NPDC1: variants seen among roughly 807,000 people sequenced by gnomAD.
The protein encoded by NPDC1 is neural proliferation differentiation and control protein 1.
A neutral mutation model predicts 32.5 loss-of-function variants in NPDC1; 18 were observed. The ratio of observed to expected loss-of-function variants is 0.55; its 90% CI spans 0.38 to 0.82. The LOEUF is 0.82. Ranked by LOEUF, NPDC1 falls within the 40% of genes least tolerant of loss-of-function variation. The pLI is 0.00. For missense variants in NPDC1, 468 were observed against 406.6 expected (o/e 1.15, Z -1.30); for synonymous variants, 210 against 184.7 (o/e 1.14, Z -1.11).
chr9:137,039,837 G>A lies in NPDC1; in HGVS notation c.913C>T (p.Leu305=). Residue 305 remains leucine, a synonymous_variant, in exon 9 of 9, where the codon CTG becomes TTG. Coordinates refer to ENST00000371601, the MANE Select transcript of NPDC1 (RefSeq NM_015392.4). Reference sequence around the variant, plus strand: ...GCGGACAGTGCGGCGTGGTCGAACAGAGGGTTGCGCACCTCCATTTCCCCG... The same window carrying A: ...GCGGACAGTGCGGCGTGGTCGAACAAAGGGTTGCGCACCTCCATTTCCCCG... ...PTGEMEVRNP[L]FDHAALSAPL... 1 of 779,390 alleles carries A rather than the reference G, an allele frequency of 1.3e-6. No individual in the cohort carries two copies. The allele number at this position is 779,390 out of a possible 1,614,324, so 48.3% of individuals were successfully genotyped here. A position where few individuals can be genotyped will look rare whatever the true frequency, so the allele number is the denominator to read the frequency against.
Position 137,041,138 on chromosome 9 carries a change from G to A in NPDC1, c.309C>T (p.Ala103=), listed in dbSNP as rs755542793. ...PRLEDEIDFL[A]QELARKESGH... ...CAGACTCCTTCCGGGCAAGCTCCTG[G>A]GCCAGGAAGTCAATCTCATCTTCCA... Residue 103 remains alanine, a synonymous_variant, in exon 3 of 9, where the codon GCC becomes GCT. Transcript: ENST00000371601. 2.7e-6 allele frequency: 4 copies of A among 1,503,144 alleles called. No homozygotes were observed. Among genetic ancestry groups the A allele is most frequent in the Non-Finnish European group, 3.5e-6 (4 of 1,127,728 alleles). The allele number at this position is 1,503,144 out of a possible 1,614,324, so 93.1% of individuals were successfully genotyped here.
rs1304040743 is a variant in NPDC1 at position 137,040,401 on chromosome 9, C to T, written c.744G>A (p.Met248Ile). The change falls in exon 7 of 9, where the codon ATG becomes ATA. Residue 248 changes from methionine (M) to isoleucine (I), a missense_variant. Physicochemically the swap from Met to Ile is conservative, Grantham distance 10. Coordinates refer to ENST00000371601, the MANE Select transcript of NPDC1 (RefSeq NM_015392.4). ...GDQRLAQSAEMYHYQHQRQQM... is the reference protein window; with the variant it reads ...GDQRLAQSAEIYHYQHQRQQM... ...GTTGCCGTTGGTGCTGGTAGTGGTA[C>T]ATCTCCGCGCTCTGTGCCAGCCGCT... The T allele has an allele frequency of 6.5e-7, 1 of 1,548,478 alleles. No individual in the cohort carries two copies. Among genetic ancestry groups the T allele is most frequent in the Non-Finnish European group, 8.7e-7 (1 of 1,147,150 alleles).
At position 137,040,403 on chromosome 9, in the gene NPDC1, T is replaced by G. The variant is rs1832027982; in HGVS notation, c.742A>C (p.Met248Leu). ...TGCCGTTGGTGCTGGTAGTGGTACATCTCCGCGCTCTGTGCCAGCCGCTGG... is the reference window on the plus strand; with the variant it reads ...TGCCGTTGGTGCTGGTAGTGGTACAGCTCCGCGCTCTGTGCCAGCCGCTGG... ...GDQRLAQSAE[M>L]YHYQHQRQQM... is the part of the protein sequence containing the mutation. The change falls in exon 7 of 9, where the codon ATG becomes CTG. Residue 248 changes from methionine to leucine, a missense_variant. Met to Leu is a conservative substitution (Grantham distance 15, BLOSUM62 2). Coordinates refer to ENST00000371601, the MANE Select transcript of NPDC1 (RefSeq NM_015392.4). 1 of 1,548,414 alleles carries G rather than the reference T, an allele frequency of 6.5e-7. No individual in the cohort carries two copies. Among genetic ancestry groups the G allele is most frequent in the South Asian group, 1.2e-5 (1 of 84,020 alleles).
chr9:137,043,384 G>A (rs773744451), intron 1 of NPDC1: 47 of 703,024 alleles, frequency 6.7e-5, no homozygotes, highest in South Asian at 2.2e-4. Flanking sequence ...GGGCAGGGCC[G>A]TGCAGCCCCA....
rs1173454908 is a variant in NPDC1, at chr9:137,043,630, A to G, written c.113-557T>C. 3 of 523,846 alleles carry G rather than the reference A, an allele frequency of 5.7e-6. No individual in the cohort carries two copies. The Admixed American group carries it at 9.7e-5, about 17-fold the overall frequency. The allele number at this position is 523,846 out of a possible 1,614,324, so 32.4% of individuals were successfully genotyped here. A position where few individuals can be genotyped will look rare whatever the true frequency, so the allele number is the denominator to read the frequency against. Reference sequence around the variant, plus strand: ...CCCCCAGGCACCGAGGACACCTAAGATGGAGTCTGCTGACCTCACTGGCCT... The same window carrying G: ...CCCCCAGGCACCGAGGACACCTAAGGTGGAGTCTGCTGACCTCACTGGCCT... On this transcript the variant is annotated intron_variant, in intron 1 of 8. Transcript: ENST00000371601.
Position 137,039,831 on chromosome 9 carries a change from C to T in NPDC1, c.919G>A (p.Asp307Asn), listed in dbSNP as rs778682336. Residue 307 changes from aspartate (D) to asparagine (N), a missense_variant, in exon 9 of 9, where the codon GAC becomes AAC. Physicochemically the swap from Asp to Asn is conservative, Grantham distance 23. Transcript: ENST00000371601. ...AGGGGCGCGGACAGTGCGGCGTGGT[C>T]GAACAGAGGGTTGCGCACCTCCATT... The part of the protein sequence containing the change: ...GEMEVRNPLF[D>N]HAALSAPLPA... 7.7e-6 allele frequency: 6 copies of T among 779,074 alleles called. No homozygotes were observed. Among genetic ancestry groups the T allele is most frequent in the South Asian group, 2.7e-5 (2 of 74,606 alleles). 48.3% of individuals were successfully genotyped at this position (779,074 alleles called of 1,614,324 possible).
In NPDC1 at chr9:137,045,965, A is replaced by G; in HGVS notation, c.25T>C (p.Ser9Pro). The change falls in exon 1 of 9, where the codon TCC becomes CCC. Residue 9 changes from serine (S) to proline (P), a missense_variant. Transcript: ENST00000371601. MATPLPPP[S>P]PRHLRLLRLL... ...CGCAGCAGCCGCAGGTGCCGCGGGG[A>G]GGGCGGAGGCAGCGGCGTCGCCATC... The G allele has an allele frequency of 8.4e-7, 1 of 1,190,346 alleles. No individual in the cohort carries two copies. The highest frequency in any genetic ancestry group is 1.0e-6 in the Non-Finnish European group (1 of 961,376). The allele number at this position is 1,190,346 out of a possible 1,614,324, so 73.7% of individuals were successfully genotyped here.
chr9:137,045,354 C>T (rs1832114031), intron 1 of NPDC1, among the ~76,000 whole-genome samples: 2 of 152,378 alleles, frequency 1.3e-5, no homozygotes, highest in South Asian at 4.1e-4. Flanking sequence ...ATAAGTGCCC[C>T]CAGAACTTCA....
chr9:137,041,530 G>A (rs1266691071), intron 2 of NPDC1, among the ~76,000 whole-genome samples: 1 of 152,202 alleles, frequency 6.6e-6, no homozygotes, highest in African/African-American at 2.4e-5. Context: ...TTCTCGGGTA[G>A]AGGGGCAGGG....
intron 5 of NPDC1, 21 bp downstream of exon 5, chr9:137,040,650 T>G (rs1354085427): frequency 2.6e-6 from 4 of 1,566,200 alleles, no homozygotes; most frequent in Non-Finnish European, 3.4e-6. Flanking sequence ...CTCCCTGCCC[T>G]GCCCGCGGCC....
intron 1 of NPDC1, chr9:137,043,288 C>T: frequency 2.8e-6 from 2 of 722,584 alleles, no homozygotes; most frequent in Non-Finnish European, 5.1e-6. Context: ...CCCTGCCCCA[C>T]CCCTCCCCAG....
chr9:137,043,696 A>C (rs1588549458), intron 1 of NPDC1: 1 of 328,112 alleles, frequency 3.0e-6, no homozygotes, highest in East Asian at 5.1e-5. Flanking sequence ...AAGCCACCAC[A>C]CCAGGGGCTG....
At chr9:137,040,242 G>T in intron 7 of NPDC1, 115 bp downstream of exon 7, 1 of 979,642 alleles carries the variant, frequency 1.0e-6, no homozygotes, top group Non-Finnish European at 1.5e-6. Context: ...AGGTTAGCGT[G>T]CAGGTGAGGG....
chr9:137,045,518 G>C (rs1035992752), intron 1 of NPDC1, among the ~76,000 whole-genome samples: 1 of 152,192 alleles, frequency 6.6e-6, no homozygotes, highest in African/African-American at 2.4e-5. Context: ...CCCCGAACAC[G>C]GAGACACAGA....
In NPDC1 at chr9:137,039,676, A is replaced by G. The variant is rs2131500074; in HGVS notation, c.*96T>C. 3 of 616,532 alleles carry G rather than the reference A, an allele frequency of 4.9e-6. No individual in the cohort carries two copies. The highest frequency in any genetic ancestry group is 2.7e-5 in the East Asian group (1 of 37,056). 38.2% of individuals were successfully genotyped at this position (616,532 alleles called of 1,614,324 possible). The stretch of plus-strand genomic sequence containing the variant: ...GCCCGAGGCCCAGCCAAAAGCACAC[A>G]GCATCAAAACATGTTTTTAGTGGGA... On this transcript the variant is annotated 3_prime_UTR_variant, in exon 9 of 9. Coordinates refer to ENST00000371601, the MANE Select transcript of NPDC1 (RefSeq NM_015392.4).
intron 1 of NPDC1, among the ~76,000 whole-genome samples, chr9:137,045,666 G>A (rs1220273845): frequency 6.6e-6 from 1 of 152,188 alleles, no homozygotes; most frequent in African/African-American, 2.4e-5. Flanking sequence ...AGCCCCATCC[G>A]GCGCGGCCTT....
chr9:137,041,032 G>A (rs371952505), intron 3 of NPDC1, 30 bp downstream of exon 3: 123 of 1,521,696 alleles, frequency 8.1e-5, no homozygotes, highest in Non-Finnish European at 1.0e-4. Context: ...TAGGGACAGG[G>A]CCGTGGGGCA....
chr9:137,044,222 C>G (rs1832095032), intron 1 of NPDC1: 1 of 152,390 alleles, frequency 6.6e-6, no homozygotes, highest in Admixed American at 6.5e-5. Context: ...GCAGTTCCAG[C>G]AGCCGCAGTG....
At chr9:137,044,702 C>G (rs1320566614) in intron 1 of NPDC1, among the ~76,000 whole-genome samples, 1 of 152,246 alleles carries the variant, frequency 6.6e-6, no homozygotes, top group African/African-American at 2.4e-5. Context: ...CCCGGTGAGG[C>G]AGACACGAAG....
Sources: allele counts gnomAD v4.1 joint callset (sites outside exome capture counted in the v4.1 genomes callset), GRCh38; gene constraint gnomAD v4.1.1; transcripts MANE v1.5; gene names NCBI Gene and HGNC (gene_info 2026-07-23, HGNC 2026-07-21).